The following GRIP1 variants were observed in gnomAD, a reference collection of about 807,000 sequenced individuals.
GRIP1 encodes the protein glutamate receptor-interacting protein 1.
A neutral mutation model predicts 129.9 loss-of-function variants in GRIP1; 45 were observed. The ratio of observed to expected loss-of-function variants is 0.35; its 90% CI spans 0.27 to 0.44. The LOEUF (loss-of-function observed/expected upper bound fraction) is 0.44, where lower values mean the gene tolerates loss of function less well. Among genes scored for constraint, GRIP1 ranks in the 20% least tolerant of loss-of-function variants. GRIP1 has a pLI of 1.00. For missense variants in GRIP1, 1,196 were observed against 1,396.8 expected, an observed-to-expected ratio of 0.86 and a Z score of 2.29; for synonymous variants, 530 against 520.8, an observed-to-expected ratio of 1.02 and a Z score of -0.24.
intron 1 of GRIP1, among the ~76,000 whole-genome samples, chr12:66,957,957 C>T (rs1317226534): frequency 6.6e-6 from 1 of 151,856 alleles, no homozygotes; most frequent in East Asian, 1.9e-4. Flanking sequence ...TGTCTCTAGC[C>T]CTCATTTATT....
intron 16 of GRIP1, among the ~76,000 whole-genome samples, chr12:66,399,723 C>A (rs1467915317): frequency 6.6e-6 from 1 of 151,912 alleles, no homozygotes; most frequent in African/African-American, 2.4e-5. Context: ...TGCTATCTGG[C>A]TTGAATCCAT....
chr12:66,573,313 A>C (rs921511734), intron 2 of GRIP1, among the ~76,000 whole-genome samples: 2 of 152,032 alleles, frequency 1.3e-5, no homozygotes, highest in African/African-American at 4.8e-5. Flanking sequence ...ATTCTATTTG[A>C]CACCTTGATT....
At chr12:66,516,091 T>G (rs1396292390) in intron 6 of GRIP1, among the ~76,000 whole-genome samples, 1 of 152,156 alleles carries the variant, frequency 6.6e-6, no homozygotes, top group Non-Finnish European at 1.5e-5. Flanking sequence ...ATGGATTTAT[T>G]GGAGGCCAGA....
At chr12:66,686,418 A>T (rs924389380) in intron 1 of GRIP1, among the ~76,000 whole-genome samples, 1 of 152,238 alleles carries the variant, frequency 6.6e-6, no homozygotes, top group African/African-American at 2.4e-5. Context: ...CTGGTCTAAC[A>T]TGCATAATTA....
chr12:67,049,578 G>C (rs2043308557), intron 1 of GRIP1, among the ~76,000 whole-genome samples: 1 of 152,070 alleles, frequency 6.6e-6, no homozygotes, highest in South Asian at 2.1e-4. Flanking sequence ...AAGGGGATGG[G>C]GAAGGAGAGC....
chr12:66,371,622 C>T (rs185463854), intron 23 of GRIP1, 72 bp downstream of exon 23: 8 of 935,184 alleles, frequency 8.6e-6, no homozygotes, highest in African/African-American at 6.4e-5. Flanking sequence ...GCCATGCTTA[C>T]ATCTCGGCGT....
intron 19 of GRIP1, among the ~76,000 whole-genome samples, chr12:66,381,164 A>C (rs372596595): frequency 4.9e-4 from 74 of 152,318 alleles, no homozygotes; most frequent in African/African-American, 1.7e-3. Flanking sequence ...CACATGATGG[A>C]AATACTCTAA....
intron 1 of GRIP1, among the ~76,000 whole-genome samples, chr12:66,923,165 G>A (rs2041241055): frequency 6.6e-6 from 1 of 152,112 alleles, no homozygotes; most frequent in African/African-American, 2.4e-5. Flanking sequence ...ACAGTTATCA[G>A]GTTGTATGAC....
At chr12:66,538,972 GA>G (rs1045762497) in intron 4 of GRIP1, 105 bp downstream of exon 4, 10 of 937,292 alleles carry the variant, frequency 1.1e-5, no homozygotes, top group Non-Finnish European at 1.7e-5. Flanking sequence ...TGTATGTATA[GA>G]AAAAAACCTG....
chr12:66,945,870 C>T (rs995860402), intron 1 of GRIP1, among the ~76,000 whole-genome samples: 1 of 152,222 alleles, frequency 6.6e-6, no homozygotes, highest in African/African-American at 2.4e-5. Flanking sequence ...TTTTAGCAAA[C>T]GTTGGAGTCT....
chr12:66,513,273 A>C (rs1218877421), intron 7 of GRIP1, among the ~76,000 whole-genome samples: 1 of 152,150 alleles, frequency 6.6e-6, no homozygotes, highest in East Asian at 1.9e-4. Flanking sequence ...CTCTGTCTTC[A>C]GATTGTTTCA....
At chr12:66,608,534 C>T (rs7960469) in intron 1 of GRIP1, among the ~76,000 whole-genome samples, 88,751 of 151,712 alleles carry the variant, frequency 0.58, 27,792 homozygotes, top group African/African-American at 0.82. Context: ...GGTTTCACCA[C>T]GTTGGCCAGG....
At chr12:66,496,934 G>A (rs779748257) in intron 7 of GRIP1, among the ~76,000 whole-genome samples, 90 of 151,994 alleles carry the variant, frequency 5.9e-4, no homozygotes, top group Non-Finnish European at 9.3e-4. Flanking sequence ...GGAAAGAGAG[G>A]ATGAATAAGA....
intron 1 of GRIP1, among the ~76,000 whole-genome samples, chr12:66,981,123 T>C (rs1317041944): frequency 1.3e-5 from 2 of 152,224 alleles, no homozygotes; most frequent in Admixed American, 1.3e-4. Flanking sequence ...AAGGTGACAA[T>C]GTCAGCAAGT....
chr12:66,591,981 G>C (rs897138877), intron 2 of GRIP1, among the ~76,000 whole-genome samples: 6 of 152,110 alleles, frequency 3.9e-5, no homozygotes, highest in Non-Finnish European at 7.4e-5. Flanking sequence ...AGCAGAACCA[G>C]GCATTTACAC....
At chr12:67,032,879 ATTTT>A (rs2043043106) in intron 1 of GRIP1, among the ~76,000 whole-genome samples, 1 of 152,186 alleles carries the variant, frequency 6.6e-6, no homozygotes, top group Admixed American at 6.5e-5. Flanking sequence ...TAGTTTTAAT[ATTTT>A]ATTTAACATT....
Position 66,978,695 on chromosome 12 carries a change from G to A in GRIP1, c.58+90355C>T, listed in dbSNP as rs116248209. On this transcript the variant is annotated intron_variant, in intron 1 of 1. Coordinates refer to the GRIP1 transcript ENST00000643019. Reference sequence around the variant, plus strand: ...TTCAGCCAAAAAAAGAAGTATTGGCGTCAAAAGCTAAGACAAAAAGTAGAT... The same window carrying A: ...TTCAGCCAAAAAAAGAAGTATTGGCATCAAAAGCTAAGACAAAAAGTAGAT... 8.8e-3 allele frequency among the ~76,000 whole-genome samples: 1,331 copies of A among 152,050 alleles called. 21 individuals are homozygous for A. The highest frequency in any genetic ancestry group is 0.03 in the African/African-American group (1,230 of 41,440).
chr12:66,724,267 G>C (rs1182793788), intron 1 of GRIP1, among the ~76,000 whole-genome samples: 1 of 152,146 alleles, frequency 6.6e-6, no homozygotes, highest in Non-Finnish European at 1.5e-5. Flanking sequence ...AACTACCTCT[G>C]AGATACTTTC....
At chr12:66,483,954 G>T (rs987217929) in intron 7 of GRIP1, among the ~76,000 whole-genome samples, 1 of 151,604 alleles carries the variant, frequency 6.6e-6, no homozygotes, top group Non-Finnish European at 1.5e-5. Context: ...CCGCCTCCCG[G>T]GTTCACGCCA....
Sources: allele counts gnomAD v4.1 joint callset (sites outside exome capture counted in the v4.1 genomes callset), GRCh38; gene constraint gnomAD v4.1.1; transcripts MANE v1.5; gene names NCBI Gene and HGNC (gene_info 2026-07-23, HGNC 2026-07-21).